The following RAB38 variants were observed in gnomAD, a reference collection of about 807,000 sequenced individuals.
RAB38 encodes the protein RAB38, member RAS oncogene family, also known as ras-related protein Rab-38.
Under a neutral mutation model 18.4 loss-of-function variants are expected in RAB38, and 15 were observed. The ratio of observed to expected loss-of-function variants is 0.82; its 90% confidence interval spans 0.55 to 1.26. The LOEUF is 1.26. Ranked by LOEUF, RAB38 falls within the 50% of genes most tolerant of loss-of-function variation. The pLI is 0.00. For synonymous variants in RAB38, 101 were observed against 104.4 expected, an observed-to-expected ratio of 0.97 and a Z score of 0.20; for missense variants, 294 against 267.4, an observed-to-expected ratio of 1.10 and a Z score of -0.69.
chr11:87,803,862 G>T, the RAB38 span, among the ~76,000 whole-genome samples: 1 of 152,216 alleles, frequency 6.6e-6, no homozygotes, highest in Non-Finnish European at 1.5e-5. Context: ...ACTCAGCAAA[G>T]CAAATTCCGT....
At chr11:87,925,714 T>C in the RAB38 span, among the ~76,000 whole-genome samples, 12,386 of 152,074 alleles carry the variant, frequency 0.081, 537 homozygotes, top group Middle Eastern at 0.13. Context: ...GCAAATGTTA[T>C]AGAAGGCAGA....
chr11:88,145,513 A>C (rs2134819994), intron 2 of RAB38, among the ~76,000 whole-genome samples: 1 of 152,246 alleles, frequency 6.6e-6, no homozygotes, highest in South Asian at 2.1e-4. Context: ...GAGTGAATTC[A>C]AAAACAGCAA....
At chr11:88,048,291 A>G in the RAB38 span, among the ~76,000 whole-genome samples, 1 of 152,158 alleles carries the variant, frequency 6.6e-6, no homozygotes, top group Admixed American at 6.5e-5. Flanking sequence ...CTTCTGTCTG[A>G]CATAATTCCT....
the RAB38 span, among the ~76,000 whole-genome samples, chr11:87,977,846 A>G: frequency 9.1e-6 from 1 of 109,570 alleles, no homozygotes; most frequent in African/African-American, 3.6e-5. Context: ...CATGTATATT[A>G]ATGGATAGTA....
intron 2 of RAB38, among the ~76,000 whole-genome samples, chr11:88,145,427 G>A (rs543597986): frequency 4.1e-4 from 62 of 152,194 alleles, no homozygotes; most frequent in Middle Eastern, 6.8e-3. Context: ...GATTACAGCC[G>A]TGAGCCACCG....
At chr11:87,838,116 T>TA in the RAB38 span, among the ~76,000 whole-genome samples, 1,244 of 126,874 alleles carry the variant, frequency 9.8e-3, 15 homozygotes, top group African/African-American at 0.037. Flanking sequence ...TATTTTTATT[T>TA]TTATTTTTTT....
the RAB38 span, among the ~76,000 whole-genome samples, chr11:87,932,009 T>C: frequency 2.4e-4 from 37 of 151,894 alleles, no homozygotes; most frequent in Non-Finnish European, 4.3e-4. Context: ...TTGGTGCTGC[T>C]TCTGAGGATG....
the RAB38 span, among the ~76,000 whole-genome samples, chr11:88,028,874 G>C: frequency 9.9e-5 from 15 of 152,134 alleles, no homozygotes; most frequent in African/African-American, 3.4e-4. Flanking sequence ...AGGAAATATA[G>C]AGAATGCCAC....
At chr11:87,854,997 G>C in the RAB38 span, among the ~76,000 whole-genome samples, 1 of 151,990 alleles carries the variant, frequency 6.6e-6, no homozygotes, top group African/African-American at 2.4e-5. Flanking sequence ...GGGTTTCACT[G>C]TGTTAGCCAG....
At chr11:88,070,384 C>T in the RAB38 span, among the ~76,000 whole-genome samples, 717 of 152,284 alleles carry the variant, frequency 4.7e-3, 4 homozygotes, top group African/African-American at 0.016. Flanking sequence ...GAACAAACTC[C>T]GGACACGCCA....
the RAB38 span, among the ~76,000 whole-genome samples, chr11:87,806,217 G>T: frequency 1.3e-5 from 2 of 152,058 alleles, no homozygotes; most frequent in Admixed American, 1.3e-4. Context: ...AGTCCATTCA[G>T]GCTGCTCTAA....
At chr11:88,093,561 A>G in the RAB38 span, among the ~76,000 whole-genome samples, 2 of 151,196 alleles carry the variant, frequency 1.3e-5, no homozygotes, top group African/African-American at 2.4e-5. Flanking sequence ...ATCTTTACCA[A>G]TTCTTACCAG....
At chr11:88,035,304 T>C in the RAB38 span, among the ~76,000 whole-genome samples, 3 of 152,232 alleles carry the variant, frequency 2.0e-5, no homozygotes, top group Non-Finnish European at 4.4e-5. Context: ...ACAGCCAGTC[T>C]TGTACCTGCT....
the RAB38 span, among the ~76,000 whole-genome samples, chr11:88,075,934 T>A: frequency 6.8e-6 from 1 of 147,588 alleles, no homozygotes. Flanking sequence ...AACCTAATGA[T>A]GTACCTCAAG....
chr11:87,879,266 A>G, the RAB38 span, among the ~76,000 whole-genome samples: 1 of 151,550 alleles, frequency 6.6e-6, no homozygotes, highest in Non-Finnish European at 1.5e-5. Context: ...ATATTTTCTT[A>G]TGTGTTTATA....
chr11:87,919,637 C>T, the RAB38 span, among the ~76,000 whole-genome samples: 1 of 151,660 alleles, frequency 6.6e-6, no homozygotes, highest in Non-Finnish European at 1.5e-5. Context: ...GGGAAGCGTT[C>T]TTTCCTCTTC....
At chr11:88,133,211 A>G (rs530134585) in intron 2 of RAB38, among the ~76,000 whole-genome samples, 48 of 152,188 alleles carry the variant, frequency 3.2e-4, no homozygotes, top group Admixed American at 7.2e-4. Context: ...CACTTGAACA[A>G]CAGCAGGAGT....
At chr11:87,926,868 G>C in the RAB38 span, among the ~76,000 whole-genome samples, 1 of 151,958 alleles carries the variant, frequency 6.6e-6, no homozygotes, top group Non-Finnish European at 1.5e-5. Context: ...AATTTCCCAG[G>C]AAACCCTGGC....
the RAB38 span, among the ~76,000 whole-genome samples, chr11:87,976,664 T>A: frequency 9.2e-6 from 1 of 109,174 alleles, no homozygotes. Context: ...ATATATATAA[T>A]TTTATATGAT....
Sources: gnomAD v4.1 joint callset for allele counts (sites outside exome capture counted in the v4.1 genomes callset) on GRCh38, gnomAD v4.1.1 for gene constraint, MANE v1.5 for transcripts, NCBI Gene and HGNC (gene_info 2026-07-23, HGNC 2026-07-21) for gene names.